USP8: variants seen among roughly 807,000 people sequenced by gnomAD.
USP8 encodes the protein ubiquitin specific peptidase 8.
USP8 carries 27 observed loss-of-function variants against 130.0 expected under a neutral mutation model. That is an observed-to-expected ratio of 0.21 (90% CI 0.15 to 0.29). The LOEUF is 0.29. USP8 is among the 10% of genes least tolerant of loss of function. The pLI, the probability that USP8 is intolerant of heterozygous loss-of-function variation, is 1.00. For missense variants in USP8, 1,029 were observed against 1,312.2 expected, an observed-to-expected ratio of 0.78 and a Z score of 3.33; for synonymous variants, 392 against 444.1, an observed-to-expected ratio of 0.88 and a Z score of 1.48.
intron 12 of USP8, 52 bp downstream of exon 12, chr15:50,484,413 A>G: frequency 7.3e-7 from 1 of 1,368,206 alleles, no homozygotes; most frequent in Non-Finnish European, 1.0e-6. Flanking sequence ...AACATGGATT[A>G]TAACTATGTG....
chr15:50,492,715 C>G lies in USP8; in HGVS notation c.2249C>G (p.Pro750Arg). The change falls in exon 15 of 20, where the codon CCT (proline) becomes CGT (arginine). Residue 750 changes from proline to arginine, a missense_variant. Coordinates refer to ENST00000307179, the MANE Select transcript of USP8 (RefSeq NM_005154.5). The part of the protein sequence containing the change: ...VNRENKPTCY[P>R]KAEISRLSAS... Reference sequence around the variant, plus strand: ...TTCTTCCTCAGGCCAACATGTTATCCTAAAGCTGAGATCTCAAGGCTTTCT... The same window carrying G: ...TTCTTCCTCAGGCCAACATGTTATCGTAAAGCTGAGATCTCAAGGCTTTCT... 6.2e-7 allele frequency: 1 copy of G among 1,613,784 alleles called. No individual in the cohort carries two copies. The highest frequency in any genetic ancestry group is 1.1e-5 in the South Asian group (1 of 91,072).
In USP8 at chr15:50,509,153, A is replaced by AG. The variant is rs1342534194; in HGVS notation, c.*10065_*10066insG. 2.7e-5 allele frequency: 4 copies of AG among 149,408 alleles called. No homozygotes were observed. The highest frequency in any genetic ancestry group is 5.9e-5 in the Non-Finnish European group (4 of 68,280). The allele number at this position is 149,408 out of a possible 1,614,324, so 9.3% of individuals were successfully genotyped here. On this transcript the variant is annotated 3_prime_UTR_variant, in exon 20 of 20. Transcript: ENST00000307179. The stretch of plus-strand genomic sequence containing the variant: ...GTCACAAAAAAAAAAAAAAAAAAAA[A>AG]AAAAAAAATTACAAAATTAGCTGGA...
At chr15:50,435,718 A>G (rs941325702) in intron 1 of USP8, among the ~76,000 whole-genome samples, 3 of 152,248 alleles carry the variant, frequency 2.0e-5, no homozygotes, top group African/African-American at 7.2e-5. Flanking sequence ...ATAAAAATAG[A>G]AACAACTATG....
At chr15:50,460,366 G>A (rs1182529870) in intron 5 of USP8, among the ~76,000 whole-genome samples, 1 of 143,118 alleles carries the variant, frequency 7.0e-6, no homozygotes, top group Non-Finnish European at 1.5e-5. Context: ...GAGTGCAGTG[G>A]TGCGATTTCA....
In USP8 at chr15:50,501,063, G is replaced by A. The variant is rs78612773; in HGVS notation, c.*1975G>A. 5,169 of 469,954 alleles carry A rather than the reference G, an allele frequency of 0.011. 35 individuals carry two copies. The highest frequency in any genetic ancestry group is 0.015 in the Non-Finnish European group (3,761 of 256,828). The allele number at this position is 469,954 out of a possible 1,614,324, so 29.1% of individuals were successfully genotyped here. ...CCATTGACTATCATCTGTGAATAAAGAAAGACAATATTTAGCAGCATCTGA... is the reference window on the plus strand; with the variant it reads ...CCATTGACTATCATCTGTGAATAAAAAAAGACAATATTTAGCAGCATCTGA... On this transcript the variant is annotated 3_prime_UTR_variant, in exon 20 of 20. Transcript: ENST00000307179.
chr15:50,446,449 A>G (rs1274550369), intron 3 of USP8, among the ~76,000 whole-genome samples: 1 of 152,198 alleles, frequency 6.6e-6, no homozygotes, highest in Non-Finnish European at 1.5e-5. Context: ...GTAAAAATGA[A>G]TAAAACAAGT....
chr15:50,444,097 GTTTTTTTTTT>G (rs751970462), intron 3 of USP8, among the ~76,000 whole-genome samples: 1 of 117,490 alleles, frequency 8.5e-6, no homozygotes, highest in African/African-American at 3.1e-5. Flanking sequence ...TGTGTGGTAG[GTTTTTTTTTT>G]TTTTTTTTTT....
Position 50,494,164 on chromosome 15 carries a change from A to G in USP8, c.2542A>G (p.Lys848Glu), listed in dbSNP as rs2052284833. 6.2e-7 allele frequency: 1 copy of G among 1,613,442 alleles called. No individual in the cohort carries two copies. Among genetic ancestry groups the G allele is most frequent in the Non-Finnish European group, 8.5e-7 (1 of 1,179,944 alleles). ...AGGACAGTATAGATATATCAGTCCA[A>G]AGGACTTTAAAATCACCATTGGGAA... ...WTGQYRYISPKDFKITIGKIN... is the reference protein window; with the variant it reads ...WTGQYRYISPEDFKITIGKIN... The change falls in exon 16 of 20, where the codon AAG (lysine) becomes GAG (glutamate). Residue 848 changes from lysine (K) to glutamate (E), a missense_variant. By Grantham distance (56) the Lys-to-Glu change is moderately conservative (BLOSUM62 1). Transcript: ENST00000307179.
chr15:50,437,090 A>G (rs2050113716), intron 1 of USP8, among the ~76,000 whole-genome samples: 1 of 151,952 alleles, frequency 6.6e-6, no homozygotes, highest in Non-Finnish European at 1.5e-5. Context: ...CTCTCTTCAT[A>G]TTTATGTATG....
chr15:50,479,864 T>C (rs901702445), intron 10 of USP8, among the ~76,000 whole-genome samples: 2 of 151,892 alleles, frequency 1.3e-5, no homozygotes, highest in African/African-American at 4.8e-5. Context: ...GTTCAAGCAA[T>C]CCTCCCACCT....
Position 50,500,512 on chromosome 15 carries a change from G to A in USP8, c.*1424G>A. On this transcript the variant is annotated 3_prime_UTR_variant, in exon 20 of 20. Coordinates refer to ENST00000307179, the MANE Select transcript of USP8 (RefSeq NM_005154.5). The stretch of plus-strand genomic sequence containing the variant: ...CTGGACGACAGATTTATCTTAAGAT[G>A]AAAGGTTGTATAACATGCCCACAAG... The A allele has an allele frequency of 5.4e-6, 2 of 369,150 alleles. No individual in the cohort carries two copies. The highest frequency in any genetic ancestry group is 1.0e-5 in the Non-Finnish European group (2 of 197,268). The allele number at this position is 369,150 out of a possible 1,614,324, so 22.9% of individuals were successfully genotyped here.
At chr15:50,492,625 C>A (rs1480176927) in intron 14 of USP8, 76 bp from the exon 15 acceptor site, 4 of 1,459,468 alleles carry the variant, frequency 2.7e-6, no homozygotes, top group Non-Finnish European at 3.7e-6. Flanking sequence ...CTACAGTTTG[C>A]TGCCATTTAT....
chr15:50,496,984 C>T, intron 17 of USP8, 105 bp from the exon 18 acceptor site: 1 of 1,393,086 alleles, frequency 7.2e-7, no homozygotes, highest in Non-Finnish European at 9.7e-7. Context: ...GTGTAGATTG[C>T]TGTTGAATCA....
rs140819974 is a variant in USP8 at position 50,469,225 on chromosome 15, C to T, written c.687-2408C>T. On this transcript the variant is annotated intron_variant, in intron 7 of 19. Coordinates refer to ENST00000307179, the MANE Select transcript of USP8 (RefSeq NM_005154.5). Reference sequence around the variant, plus strand: ...ACCTTTTACTTACTGGATATGATTTCGTTTTTTCATGTATTTAGGGCTATA... The same window carrying T: ...ACCTTTTACTTACTGGATATGATTTTGTTTTTTCATGTATTTAGGGCTATA... 3.0e-3 allele frequency among the ~76,000 whole-genome samples: 457 copies of T among 151,824 alleles called. 7 individuals are homozygous for T. The highest frequency in any genetic ancestry group is 0.01 in the African/African-American group (427 of 41,426).
intron 4 of USP8, 24 bp from the exon 5 acceptor site, chr15:50,458,976 A>G (rs746587637): frequency 2.5e-6 from 4 of 1,611,056 alleles, no homozygotes; most frequent in African/African-American, 1.3e-5. Context: ...ATAAAAGACA[A>G]TCTTGACTTA....
intron 10 of USP8, among the ~76,000 whole-genome samples, chr15:50,480,282 C>T (rs3131562): frequency 0.42 from 63,892 of 151,898 alleles, 13,735 homozygotes; most frequent in Admixed American, 0.52. Context: ...ATTACACAAC[C>T]TGAAGGAAAC....
intron 5 of USP8, among the ~76,000 whole-genome samples, chr15:50,459,408 A>G (rs2050906961): frequency 6.6e-6 from 1 of 151,968 alleles, no homozygotes; most frequent in Admixed American, 6.6e-5. Context: ...ACATAGCGAA[A>G]CCCCGACTCT....
At chr15:50,462,205 G>C (rs957475373) in intron 5 of USP8, 75 bp from the exon 6 acceptor site, 2 of 1,255,240 alleles carry the variant, frequency 1.6e-6, no homozygotes, top group Non-Finnish European at 2.3e-6. Flanking sequence ...CCATTTAAGA[G>C]AAGTAAATGA....
At chr15:50,438,413 G>T (rs990589683) in intron 1 of USP8, among the ~76,000 whole-genome samples, 3 of 152,120 alleles carry the variant, frequency 2.0e-5, no homozygotes, top group Non-Finnish European at 4.4e-5. Flanking sequence ...ACGAAACCCC[G>T]TATCTACTGA....
Sources: gnomAD v4.1 joint callset for allele counts (sites outside exome capture counted in the v4.1 genomes callset) on GRCh38, gnomAD v4.1.1 for gene constraint, MANE v1.5 for transcripts, NCBI Gene and HGNC (gene_info 2026-07-23, HGNC 2026-07-21) for gene names.